The following ROS1 variants were observed in gnomAD, a reference collection of about 807,000 sequenced individuals.
The protein encoded by ROS1 is proto-oncogene tyrosine-protein kinase ROS.
Under a neutral mutation model 273.5 loss-of-function variants are expected in ROS1, and 263 were observed. The ratio of observed to expected loss-of-function variants is 0.96; its 90% CI spans 0.87 to 1.06. The LOEUF is 1.06. Ranked by LOEUF, ROS1 falls within the 50% of genes least tolerant of loss-of-function variation. The pLI, the probability that ROS1 is intolerant of heterozygous loss-of-function variation, is 0.00. For synonymous variants in ROS1, 1,008 were observed against 954.1 expected (o/e 1.06, Z -1.04); for missense variants, 2,833 against 2,751.1 (o/e 1.03, Z -0.67).
chr6:117,327,592 A>T (rs1225337201), intron 33 of ROS1, among the ~76,000 whole-genome samples: 1 of 152,228 alleles, frequency 6.6e-6, no homozygotes, highest in Non-Finnish European at 1.5e-5. Flanking sequence ...TTAAAGAGAT[A>T]AGATAGATAT....
chr6:117,402,613 C>T (rs573733598), intron 7 of ROS1, among the ~76,000 whole-genome samples: 46 of 152,112 alleles, frequency 3.0e-4, no homozygotes, highest in Non-Finnish European at 6.5e-4. Flanking sequence ...TCCAGCTGGG[C>T]GAGGTGGCTC....
chr6:117,348,144 GAC>G (rs998175559), intron 27 of ROS1, among the ~76,000 whole-genome samples: 2 of 152,096 alleles, frequency 1.3e-5, no homozygotes, highest in African/African-American at 2.4e-5. Context: ...TTTTCTGAAA[GAC>G]ATTGTAGAGA....
chr6:117,321,350 C>G lies in ROS1; in HGVS notation c.5668G>C (p.Val1890Leu). The stretch of plus-strand genomic sequence containing the variant: ...TTGTCTTCGTTTATAAGCACTGTCA[C>G]CCCTTCCTTGGCACTTTTTTGATTC... ...LKNQKSAKEG[V>L]TVLINEDKEL... The change falls in exon 36 of 44, where the codon GTG becomes CTG. Residue 1890 changes from valine to leucine, a missense_variant. By Grantham distance (32) the Val-to-Leu change is conservative. Transcript: ENST00000368507. 1 of 1,613,404 alleles carries G rather than the reference C, an allele frequency of 6.2e-7. No homozygotes were observed. Among genetic ancestry groups the G allele is most frequent in the Non-Finnish European group, 8.5e-7 (1 of 1,179,706 alleles).
intron 43 of ROS1, among the ~76,000 whole-genome samples, chr6:117,290,489 T>G (rs77048230): frequency 0.013 from 2,043 of 152,322 alleles, 18 homozygotes; most frequent in Non-Finnish European, 0.022. Flanking sequence ...AAGGCAGATA[T>G]CCTCAACAAA....
intron 7 of ROS1, 102 bp from the exon 8 acceptor site, chr6:117,397,218 T>C (rs1773569519): frequency 7.9e-6 from 6 of 762,740 alleles, no homozygotes; most frequent in Non-Finnish European, 1.3e-5. Flanking sequence ...GAAAACTTAA[T>C]GGAAACGAAA....
chr6:117,423,630 T>A (rs1346195806), intron 1 of ROS1, among the ~76,000 whole-genome samples: 1 of 152,060 alleles, frequency 6.6e-6, no homozygotes, highest in African/African-American at 2.4e-5. Flanking sequence ...TGCTCAAGCA[T>A]AGAACTCTGC....
At chr6:117,308,060 T>C (rs139874333) in intron 42 of ROS1, among the ~76,000 whole-genome samples, 13 of 152,282 alleles carry the variant, frequency 8.5e-5, no homozygotes, top group Non-Finnish European at 1.5e-4. Flanking sequence ...AGTTCATACT[T>C]ATTTGCTCTT....
chr6:117,379,233 A>C, intron 17 of ROS1, 74 bp from the exon 18 acceptor site: 1 of 853,682 alleles, frequency 1.2e-6, no homozygotes, highest in South Asian at 1.6e-5. Context: ...GGTCACACTT[A>C]AGCTATAGAT....
chr6:117,318,781 T>C (rs1776086366), intron 37 of ROS1, among the ~76,000 whole-genome samples: 1 of 152,100 alleles, frequency 6.6e-6, no homozygotes, highest in South Asian at 2.1e-4. Flanking sequence ...TTCCTGAACA[T>C]GTACATCTCA....
chr6:117,352,236 ACGCTGGG>A (rs1183516917), intron 27 of ROS1, among the ~76,000 whole-genome samples: 1 of 152,180 alleles, frequency 6.6e-6, no homozygotes, highest in East Asian at 1.9e-4. Context: ...ACCTGCCACT[ACGCTGGG>A]CTAATTTTTT....
At chr6:117,290,753 C>T (rs1481373041) in intron 43 of ROS1, among the ~76,000 whole-genome samples, 1 of 152,184 alleles carries the variant, frequency 6.6e-6, no homozygotes, top group East Asian at 1.9e-4. Context: ...TCTCTATCCC[C>T]TTTCCACCCC....
At chr6:117,343,913 C>G (rs1410689792) in intron 28 of ROS1, 147 bp downstream of exon 28, 1 of 645,502 alleles carries the variant, frequency 1.5e-6, no homozygotes, top group African/African-American at 1.8e-5. Context: ...AACTAGAACA[C>G]AATATGTTTT....
chr6:117,421,199 G>A (rs1775726954), intron 1 of ROS1, among the ~76,000 whole-genome samples: 1 of 145,614 alleles, frequency 6.9e-6, no homozygotes, highest in South Asian at 2.1e-4. Flanking sequence ...TATATGAATT[G>A]GAATACATAT....
In ROS1 at chr6:117,404,398, G is replaced by T. The variant is rs1774224661; in HGVS notation, c.347C>A (p.Ala116Asp). The T allele has an allele frequency of 3.1e-6, 5 of 1,613,888 alleles. No individual in the cohort carries two copies. Among genetic ancestry groups the T allele is most frequent in the Non-Finnish European group, 4.2e-6 (5 of 1,179,928 alleles). ...CATATTGTGGCTTCCAATGGAAGAA[G>T]CAAAGGGAGCAGTTGGTAGGTCTGC... ...ENADLPTAPF[A>D]SSIGSHNMTL... Residue 116 changes from alanine to aspartate, a missense_variant, in exon 6 of 44, where the codon GCT becomes GAT. Ala to Asp is a moderately radical substitution (Grantham distance 126, BLOSUM62 -2). Transcript: ENST00000368507.
At chr6:117,347,247 T>C (rs189324568) in intron 27 of ROS1, among the ~76,000 whole-genome samples, 1 of 152,252 alleles carries the variant, frequency 6.6e-6, no homozygotes, top group East Asian at 1.9e-4. Flanking sequence ...TCATCAGGGT[T>C]TTATAGTTTT....
At position 117,326,348 on chromosome 6, in the gene ROS1, G is replaced by A. The variant is rs775276256; in HGVS notation, c.5415C>T (p.Cys1805=). 6.3e-7 allele frequency: 1 copy of A among 1,590,688 alleles called. No homozygotes were observed. Among genetic ancestry groups the A allele is most frequent in the Non-Finnish European group, 8.5e-7 (1 of 1,172,106 alleles). ...TGGACTTCCATGTGCAAACACTACT[G>A]CAGGATCCATTAAATGTCATCTTCC... ...LRWKMTFNGS[C]SSVCTWKSKN... The change falls in exon 34 of 44, where the codon TGC becomes TGT. Residue 1805 remains cysteine, a synonymous_variant. Coordinates refer to ENST00000368507, the MANE Select transcript of ROS1 (RefSeq NM_001378902.1).
intron 39 of ROS1, among the ~76,000 whole-genome samples, chr6:117,313,148 C>T (rs941235687): frequency 6.6e-6 from 1 of 152,114 alleles, no homozygotes; most frequent in African/African-American, 2.4e-5. Context: ...ATAGCAAACA[C>T]CCAGGAAAAA....
chr6:117,397,526 C>T (rs1311293857), intron 7 of ROS1, among the ~76,000 whole-genome samples: 3 of 152,116 alleles, frequency 2.0e-5, no homozygotes, highest in Non-Finnish European at 1.5e-5. Flanking sequence ...CATCCTGGGG[C>T]CTTTTCACTC....
Position 117,365,179 on chromosome 6 carries a change from A to G in ROS1, c.2984T>C (p.Leu995Ser). The G allele has an allele frequency of 5.0e-6, 8 of 1,609,674 alleles. No individual in the cohort carries two copies. In the South Asian group the frequency reaches 7.7e-5, roughly 16 times the overall value. Residue 995 changes from leucine to serine, a missense_variant, in exon 21 of 44, where the codon TTA (leucine) becomes TCA (serine). Leu to Ser is a moderately radical substitution (Grantham distance 145). Transcript: ENST00000368507. ...SKFLASEQHS[L>S]PVFTVEGLEP... ...CAGTCCTTCCACAGTAAATACAGGT[A>G]AAGAGTGTTGTTCACTAGCCAAGAA...
Sources: allele counts gnomAD v4.1 joint callset (sites outside exome capture counted in the v4.1 genomes callset), GRCh38; gene constraint gnomAD v4.1.1; transcripts MANE v1.5; gene names NCBI Gene and HGNC (gene_info 2026-07-23, HGNC 2026-07-21).